Variants in CIB4 observed in about 807,000 individuals in gnomAD.
The protein encoded by CIB4 is calcium and integrin binding family member 4.
CIB4 carries 25 observed loss-of-function variants against 25.8 expected under a neutral mutation model. The observed-to-expected ratio is 0.97, with a 90% CI of 0.71 to 1.35. CIB4 has a LOEUF of 1.35. Ranked by LOEUF, CIB4 falls within the 40% of genes most tolerant of loss-of-function variation. The pLI, the probability that CIB4 is intolerant of heterozygous loss-of-function variation, is 0.00. For synonymous variants in CIB4, 75 were observed against 81.4 expected (o/e 0.92, Z 0.42); for missense variants, 235 against 228.2 (o/e 1.03, Z -0.19).
intron 2 of CIB4, among the ~76,000 whole-genome samples, chr2:26,635,307 C>G (rs1054568818): frequency 1.2e-4 from 19 of 152,218 alleles, no homozygotes; most frequent in African/African-American, 4.3e-4. Flanking sequence ...GGTCTCCCCC[C>G]ACCAGCCCCC....
At chr2:26,583,612 CTGCCTGTCCCCTTGGCAGCCCCCAGGGAA>C (rs1298332328) in intron 5 of CIB4, among the ~76,000 whole-genome samples, 148 bp downstream of exon 5, 1 of 152,206 alleles carries the variant, frequency 6.6e-6, no homozygotes, top group Admixed American at 6.5e-5. Flanking sequence ...GCACCCTGAG[CTGCCTGTCCCCTTGGCAGCCCCCAGGGAA>C]TGTGTGCACC....
At chr2:26,599,630 A>G (rs1668745261) in intron 3 of CIB4, among the ~76,000 whole-genome samples, 1 of 152,342 alleles carries the variant, frequency 6.6e-6, no homozygotes, top group Admixed American at 6.5e-5. Context: ...AAAAAAATCA[A>G]ACAGTATTAA....
In CIB4 at chr2:26,641,250, G is replaced by A. The variant is rs750375496; in HGVS notation, c.54+11C>T. The A allele has an allele frequency of 3.2e-5, 52 of 1,610,174 alleles. No individual in the cohort carries two copies. The Admixed American group carries it at 5.0e-4, about 15-fold the overall frequency. On this transcript the variant is annotated intron_variant, in intron 1 of 6. Transcript: ENST00000288861. Reference sequence around the variant, plus strand: ...CACCTCTGCCCAGAGTCCCTAGCCCGATCTACCCACCTGGTACTCTTCCAG... The same window carrying A: ...CACCTCTGCCCAGAGTCCCTAGCCCAATCTACCCACCTGGTACTCTTCCAG...
intron 3 of CIB4, among the ~76,000 whole-genome samples, chr2:26,620,629 A>G (rs1256022506): frequency 3.3e-5 from 5 of 152,200 alleles, no homozygotes; most frequent in Admixed American, 2.0e-4. Flanking sequence ...AGAATCCTCA[A>G]AATGACCCCT....
intron 3 of CIB4, among the ~76,000 whole-genome samples, chr2:26,601,217 CAAAAAAA>C (rs142951418): frequency 5.1e-4 from 12 of 23,700 alleles, no homozygotes; most frequent in African/African-American, 1.3e-3. Context: ...GAGACCATGT[CAAAAAAA>C]AAAAAAAATA....
intron 2 of CIB4, among the ~76,000 whole-genome samples, chr2:26,637,967 A>C (rs1669564536): frequency 2.6e-5 from 4 of 152,134 alleles, no homozygotes; most frequent in Middle Eastern, 6.8e-3. Flanking sequence ...TTTGCCCTCT[A>C]CTCTGCCTTC....
At chr2:26,604,933 G>T (rs1304191955) in intron 3 of CIB4, among the ~76,000 whole-genome samples, 1 of 152,134 alleles carries the variant, frequency 6.6e-6, no homozygotes, top group Non-Finnish European at 1.5e-5. Flanking sequence ...GGACCCAATT[G>T]ATATTTTACA....
intron 3 of CIB4, among the ~76,000 whole-genome samples, chr2:26,598,668 C>T (rs1049052907): frequency 1.3e-5 from 2 of 152,150 alleles, no homozygotes; most frequent in African/African-American, 4.8e-5. Flanking sequence ...CTGGCAGGCA[C>T]CTGCCAGGAG....
intron 3 of CIB4, chr2:26,623,561 T>C (rs896818581): frequency 4.2e-6 from 2 of 471,282 alleles, no homozygotes; most frequent in Non-Finnish European, 8.8e-6. Context: ...GGGAGATACA[T>C]AGAAACCGAG....
chr2:26,621,611 A>T (rs949531002), intron 3 of CIB4, among the ~76,000 whole-genome samples: 1 of 152,206 alleles, frequency 6.6e-6, no homozygotes, highest in African/African-American at 2.4e-5. Context: ...TGTAAGTTGT[A>T]AAAACATTTA....
chr2:26,590,943 G>C (rs1325325403), intron 4 of CIB4, among the ~76,000 whole-genome samples: 2 of 152,226 alleles, frequency 1.3e-5, no homozygotes, highest in Non-Finnish European at 2.9e-5. Flanking sequence ...GAGGCTCTCA[G>C]TCTGACCTCT....
intron 2 of CIB4, among the ~76,000 whole-genome samples, chr2:26,635,066 G>A (rs111691728): frequency 0.021 from 3,226 of 152,366 alleles, 127 homozygotes; most frequent in African/African-American, 0.074. Context: ...GGGCCCAGAA[G>A]AGGCATCTCG....
intron 2 of CIB4, among the ~76,000 whole-genome samples, chr2:26,637,676 G>T (rs577933621): frequency 6.6e-6 from 1 of 152,156 alleles, no homozygotes; most frequent in African/African-American, 2.4e-5. Context: ...GGAATGGCTG[G>T]GTCAAGGTGT....
At chr2:26,606,727 C>T (rs1259158107) in intron 3 of CIB4, among the ~76,000 whole-genome samples, 2 of 151,974 alleles carry the variant, frequency 1.3e-5, no homozygotes, top group Non-Finnish European at 1.5e-5. Context: ...CTCTATTGTC[C>T]GGGGCCCTGG....
intron 3 of CIB4, among the ~76,000 whole-genome samples, chr2:26,614,880 TGC>T (rs1350698773): frequency 6.6e-6 from 1 of 152,220 alleles, no homozygotes; most frequent in Non-Finnish European, 1.5e-5. Flanking sequence ...TTTGCTAAAC[TGC>T]CTCTCCAATG....
At chr2:26,593,677 T>C (rs971069236) in intron 4 of CIB4, among the ~76,000 whole-genome samples, 4 of 152,244 alleles carry the variant, frequency 2.6e-5, no homozygotes, top group Non-Finnish European at 5.9e-5. Flanking sequence ...TGTTTTGTTG[T>C]AGACACTCTG....
At chr2:26,617,982 C>T (rs1669127711) in intron 3 of CIB4, among the ~76,000 whole-genome samples, 1 of 152,172 alleles carries the variant, frequency 6.6e-6, no homozygotes, top group South Asian at 2.1e-4. Context: ...CTGACTGGCC[C>T]TGTTACCAAG....
intron 3 of CIB4, among the ~76,000 whole-genome samples, chr2:26,610,997 G>A (rs1668986860): frequency 6.6e-6 from 1 of 152,226 alleles, no homozygotes; most frequent in African/African-American, 2.4e-5. Context: ...ACAAGCCCAG[G>A]CTGAGAGTCC....
chr2:26,619,102 G>C lies in CIB4; in HGVS notation c.186+10308C>G, dbSNP rs116376683. On this transcript the variant is annotated intron_variant, in intron 3 of 6. Coordinates refer to ENST00000288861, the MANE Select transcript of CIB4 (RefSeq NM_001029881.3). ...AGTAAAGGCATAGTCACTTCTTATG[G>C]GGTGATGGATGAGAACCAGGCGTGG... 6.5e-3 allele frequency among the ~76,000 whole-genome samples: 994 copies of C among 152,340 alleles called. 14 individuals are homozygous for C. The highest frequency in any genetic ancestry group is 0.022 in the African/African-American group (894 of 41,578).
Sources: allele counts gnomAD v4.1 joint callset (sites outside exome capture counted in the v4.1 genomes callset), GRCh38; gene constraint gnomAD v4.1.1; transcripts MANE v1.5; gene names NCBI Gene and HGNC (gene_info 2026-07-23, HGNC 2026-07-21).